SHISA5: variants seen among roughly 807,000 people sequenced by gnomAD.
The protein encoded by SHISA5 is shisa family member 5, also known as protein shisa-5.
Under a neutral mutation model 27.5 loss-of-function variants are expected in SHISA5, and 21 were observed. The ratio of observed to expected loss-of-function variants is 0.76; its 90% CI spans 0.54 to 1.10. SHISA5 has a LOEUF of 1.10. Ranked by LOEUF, SHISA5 falls within the 50% of genes least tolerant of loss-of-function variation. SHISA5 has a pLI of 0.00. For synonymous variants in SHISA5, 137 were observed against 142.2 expected, an observed-to-expected ratio of 0.96 and a Z score of 0.26; for missense variants, 314 against 336.3, an observed-to-expected ratio of 0.93 and a Z score of 0.52.
intron 3 of SHISA5, 42 bp downstream of exon 3, chr3:48,479,135 C>G: frequency 6.4e-7 from 1 of 1,562,060 alleles, no homozygotes; most frequent in Non-Finnish European, 8.7e-7. Context: ...CCTCTTGTCA[C>G]CTTTGCCAGG....
rs375947471 is a variant in SHISA5, at chr3:48,501,326, C to G, written c.77-33G>C. On this transcript the variant is annotated intron_variant, in intron 1 of 5. Transcript: ENST00000296444. Reference sequence around the variant, plus strand: ...GGAGAAACACATCTGTTCACCTGTGCCCACGGGCCAGGCCCCAGCAGACAC... The same window carrying G: ...GGAGAAACACATCTGTTCACCTGTGGCCACGGGCCAGGCCCCAGCAGACAC... 5.4e-4 allele frequency: 862 copies of G among 1,605,154 alleles called. 7 individuals carry two copies. Among genetic ancestry groups the G allele is most frequent in the Non-Finnish European group, 1.6e-4 (185 of 1,175,060 alleles).
intron 3 of SHISA5, among the ~76,000 whole-genome samples, chr3:48,475,276 G>A (rs2040785218): frequency 6.6e-6 from 1 of 152,178 alleles, no homozygotes. Flanking sequence ...CGTGGCTACA[G>A]TACCAATGGA....
intron 3 of SHISA5, among the ~76,000 whole-genome samples, chr3:48,474,262 T>C (rs2040743252): frequency 1.3e-5 from 2 of 151,804 alleles, no homozygotes; most frequent in Non-Finnish European, 2.9e-5. Flanking sequence ...TATTTTTTTA[T>C]TTTTTGTAGA....
intron 3 of SHISA5, among the ~76,000 whole-genome samples, chr3:48,471,630 C>T (rs539935388): frequency 1.5e-5 from 2 of 134,832 alleles, no homozygotes; most frequent in Admixed American, 1.5e-4. Context: ...AAATAAAAAA[C>T]GGTTGGGTGC....
chr3:48,489,975 T>C (rs12491849), intron 2 of SHISA5, among the ~76,000 whole-genome samples: 109,944 of 152,006 alleles, frequency 0.72, 41,093 homozygotes, highest in African/African-American at 0.92. Context: ...GAAAAGGACC[T>C]CAAAGACAAT....
rs2041833762 is a variant in SHISA5 at position 48,504,105 on chromosome 3, G to GCGGACGGGGGGA, written c.-12_-11insTCCCCCCGTCCG. ...GACCGGCGCAGTCATGGCTGGGCGG[G>GCGGACGGGGGGA]CGGACGGGCGGACGGACGCGAGCGC... On this transcript the variant is annotated 5_prime_UTR_variant, in exon 1 of 6. Coordinates refer to ENST00000296444, the MANE Select transcript of SHISA5 (RefSeq NM_016479.6). This position sits in a 1 kb window ranked among gnomAD's most constrained non-coding sequence, Gnocchi z 4.0. 1 of 1,253,556 alleles carries GCGGACGGGGGGA rather than the reference G, an allele frequency of 8.0e-7. No homozygotes were observed. The highest frequency in any genetic ancestry group is 1.0e-6 in the Non-Finnish European group (1 of 973,814). 77.7% of individuals were successfully genotyped at this position (1,253,556 alleles called of 1,614,324 possible).
intron 2 of SHISA5, among the ~76,000 whole-genome samples, chr3:48,485,998 G>A (rs1445612652): frequency 6.6e-6 from 1 of 150,832 alleles, no homozygotes; most frequent in Non-Finnish European, 1.5e-5. Flanking sequence ...CTGAGTAGAC[G>A]GCTCAGCCTC....
chr3:48,476,114 G>A (rs553199611), intron 3 of SHISA5, among the ~76,000 whole-genome samples: 4 of 152,180 alleles, frequency 2.6e-5, no homozygotes, highest in African/African-American at 4.8e-5. Context: ...AGGCTGAGGC[G>A]GGCAGATCAC....
At chr3:48,480,714 A>C (rs1256763427) in intron 2 of SHISA5, among the ~76,000 whole-genome samples, 1 of 152,092 alleles carries the variant, frequency 6.6e-6, no homozygotes, top group Non-Finnish European at 1.5e-5. Flanking sequence ...AGCTCAGATC[A>C]CGTCACTGCA....
At chr3:48,481,384 A>C (rs1201190081) in intron 2 of SHISA5, among the ~76,000 whole-genome samples, 2 of 151,490 alleles carry the variant, frequency 1.3e-5, no homozygotes, top group Non-Finnish European at 2.9e-5. Context: ...GGTTGCAGTG[A>C]GCCAAGATCG....
In SHISA5 at chr3:48,476,416, G is replaced by T. The variant is rs563908657; in HGVS notation, c.314+2761C>A. On this transcript the variant is annotated intron_variant, in intron 3 of 5. Transcript: ENST00000296444. The stretch of plus-strand genomic sequence containing the variant: ...GGGTCCCAAAATAAGGAGAGGAGGA[G>T]GGGTCAGTGGCAGAGAGTGGGGCAG... Among the ~76,000 whole-genome samples the T allele has an allele frequency of 2.5e-4, 38 of 152,206 alleles. No homozygotes were observed. The East Asian group carries it at 7.3e-3, about 29-fold the overall frequency.
At position 48,469,123 on chromosome 3, in the gene SHISA5, G is replaced by A. The variant is rs141742404; in HGVS notation, c.707C>T (p.Pro236Leu). Residue 236 changes from proline (P) to leucine (L), a missense_variant, in exon 6 of 6, where the codon CCG becomes CTG. Transcript: ENST00000296444. The surrounding 1 kb of genome is among the most constrained non-coding windows in gnomAD (Gnocchi z 4.6). ...PPYNPAYMDA[P>L]KAAL ...AGGGAATGCTCAGAGGGCCGCCTTC[G>A]GGGCATCCATGTAGGCCGGGTTGTA... 2,043 of 1,613,016 alleles carry A rather than the reference G, an allele frequency of 1.3e-3. 3 individuals carry two copies. Among genetic ancestry groups the A allele is most frequent in the Admixed American group, 2.6e-3 (155 of 60,026 alleles).
At chr3:48,502,482 A>G in intron 1 of SHISA5, 1 of 441,566 alleles carries the variant, frequency 2.3e-6, no homozygotes, top group Non-Finnish European at 4.6e-6. Context: ...CTCAGCACAG[A>G]GTTGGGATCT....
chr3:48,468,931 C>T lies in SHISA5; in HGVS notation c.*176G>A, dbSNP rs3135953. ...CACTCTGGCAAGGATTGTTCCCCACCTTGTCAGCATCAGAGGAAGCCACAT... is the reference window on the plus strand; with the variant it reads ...CACTCTGGCAAGGATTGTTCCCCACTTTGTCAGCATCAGAGGAAGCCACAT... On this transcript the variant is annotated 3_prime_UTR_variant, in exon 6 of 6. Transcript: ENST00000296444. 3.0e-5 allele frequency: 46 copies of T among 1,551,450 alleles called. No homozygotes were observed. The highest frequency in any genetic ancestry group is 3.9e-5 in the Non-Finnish European group (45 of 1,155,636).
intron 2 of SHISA5, among the ~76,000 whole-genome samples, chr3:48,486,427 AT>A (rs368419492): frequency 1.0e-5 from 1 of 99,876 alleles, no homozygotes; most frequent in African/African-American, 4.3e-5. Context: ...TATATTATAT[AT>A]TTTATATATT....
chr3:48,469,411 G>A lies in SHISA5; in HGVS notation c.593C>T (p.Pro198Leu). 6 of 1,609,642 alleles carry A rather than the reference G, an allele frequency of 3.7e-6. No individual in the cohort carries two copies. The highest frequency in any genetic ancestry group is 4.2e-6 in the Non-Finnish European group (5 of 1,177,116). Residue 198 changes from proline (P) to leucine (L), a missense_variant, in exon 5 of 6, where the codon CCT (proline) becomes CTT (leucine). By Grantham distance (98) the Pro-to-Leu change is moderately conservative. Coordinates refer to ENST00000296444, the MANE Select transcript of SHISA5 (RefSeq NM_016479.6). This position sits in a 1 kb window ranked among gnomAD's most constrained non-coding sequence, Gnocchi z 4.6. Reference protein sequence around the residue: ...AAPYPMQYPPPYPAQPMGPPA... With the variant: ...AAPYPMQYPPLYPAQPMGPPA... ...TGGGCCCATGGGCTGGGCTGGGTAA[G>A]GTGGTGGGTACTGCATTGGGTAGGG...
In SHISA5 at chr3:48,473,179, C is replaced by G; in HGVS notation, c.315-3336G>C. 4 of 1,441,378 alleles carry G rather than the reference C, an allele frequency of 2.8e-6. No individual in the cohort carries two copies. Among genetic ancestry groups the G allele is most frequent in the Non-Finnish European group, 2.7e-6 (3 of 1,100,674 alleles). 89.3% of individuals were successfully genotyped at this position (1,441,378 alleles called of 1,614,324 possible). ...AGCACAGACGCGAAGCCCCGTTCCA[C>G]CCTCTTAAAGACACAGGATGGCCCC... On this transcript the variant is annotated intron_variant, in intron 3 of 5. Coordinates refer to ENST00000296444, the MANE Select transcript of SHISA5 (RefSeq NM_016479.6). This position sits in a 1 kb window ranked among gnomAD's most constrained non-coding sequence, Gnocchi z 4.3.
At chr3:48,488,313 C>T (rs1316951780) in intron 2 of SHISA5, among the ~76,000 whole-genome samples, 2 of 149,044 alleles carry the variant, frequency 1.3e-5, no homozygotes, top group South Asian at 4.3e-4. Context: ...ATGCAAGCTC[C>T]GCCTCCCTGG....
chr3:48,468,658 GCTGGCTACGCTGC>G lies in SHISA5; in HGVS notation c.*436_*448del. 1 of 1,209,490 alleles carries G rather than the reference GCTGGCTACGCTGC, an allele frequency of 8.3e-7. No homozygotes were observed. The highest frequency in any genetic ancestry group is 1.1e-6 in the Non-Finnish European group (1 of 952,126). The allele number at this position is 1,209,490 out of a possible 1,614,324, so 74.9% of individuals were successfully genotyped here. On this transcript the variant is annotated 3_prime_UTR_variant, in exon 6 of 6. Transcript: ENST00000296444. ...GGACGAGCCATGGCCTCAAGCAGCA[GCTGGCTACGCTGC>G]CGAAACCAGGACACATCTGCATCAC... is the stretch of plus-strand genomic sequence containing the variant.
Sources: allele counts gnomAD v4.1 joint callset (sites outside exome capture counted in the v4.1 genomes callset), GRCh38; gene constraint gnomAD v4.1.1; non-coding constraint Gnocchi (gnomAD v3.1); transcripts MANE v1.5; gene names NCBI Gene and HGNC (gene_info 2026-07-23, HGNC 2026-07-21).